The following PDLIM5 variants were observed in gnomAD, a reference collection of about 807,000 sequenced individuals.
PDLIM5 encodes the protein PDZ and LIM domain 5.
A neutral mutation model predicts 64.2 loss-of-function variants in PDLIM5; 34 were observed. That is an observed-to-expected ratio of 0.53 (90% CI 0.40 to 0.71). The LOEUF (loss-of-function observed/expected upper bound fraction) is 0.71, where lower values mean the gene tolerates loss of function less well. Ranked by LOEUF, PDLIM5 falls within the 30% of genes least tolerant of loss-of-function variation. The pLI is 0.00. For synonymous variants in PDLIM5, 253 were observed against 269.1 expected, an observed-to-expected ratio of 0.94 and a Z score of 0.59; for missense variants, 683 against 733.6, an observed-to-expected ratio of 0.93 and a Z score of 0.80.
intron 2 of PDLIM5, among the ~76,000 whole-genome samples, chr4:94,500,015 G>A (rs1727772210): frequency 6.6e-6 from 1 of 152,202 alleles, no homozygotes; most frequent in African/African-American, 2.4e-5. Flanking sequence ...GGTTCGGACT[G>A]CTGATTAAGG....
At chr4:94,652,041 T>A (rs577836218) in intron 9 of PDLIM5, among the ~76,000 whole-genome samples, 1 of 152,368 alleles carries the variant, frequency 6.6e-6, no homozygotes, top group Non-Finnish European at 1.5e-5. Context: ...TGTATTTTCC[T>A]TGGTCAGTTA....
chr4:94,626,839 G>A (rs1296593466), intron 8 of PDLIM5, among the ~76,000 whole-genome samples: 1 of 151,116 alleles, frequency 6.6e-6, no homozygotes, highest in East Asian at 1.9e-4. Flanking sequence ...TGTGAGATTT[G>A]ATTAGATCAA....
chr4:94,470,213 C>T (rs1435719624), intron 2 of PDLIM5, among the ~76,000 whole-genome samples: 1 of 152,130 alleles, frequency 6.6e-6, no homozygotes, highest in African/African-American at 2.4e-5. Context: ...ATCCGCCTAG[C>T]TCGGCCTCCC....
At chr4:94,559,585 C>T (rs767677541) in intron 3 of PDLIM5, among the ~76,000 whole-genome samples, 8 of 152,282 alleles carry the variant, frequency 5.3e-5, no homozygotes, top group Non-Finnish European at 7.3e-5. Context: ...ATGTGACAGA[C>T]GGCTGAAAAC....
chr4:94,590,610 C>T (rs979872795), intron 7 of PDLIM5, among the ~76,000 whole-genome samples: 4 of 152,090 alleles, frequency 2.6e-5, no homozygotes. Context: ...TTATGTGGAC[C>T]TCTGAGGAGA....
At chr4:94,472,429 G>A (rs1724963632) in intron 2 of PDLIM5, among the ~76,000 whole-genome samples, 1 of 152,238 alleles carries the variant, frequency 6.6e-6, no homozygotes, top group East Asian at 1.9e-4. Context: ...TTTTAAAGTA[G>A]CATGAAACAC....
chr4:94,623,522 T>C (rs1459395142), intron 8 of PDLIM5, among the ~76,000 whole-genome samples: 11 of 152,224 alleles, frequency 7.2e-5, no homozygotes, highest in Non-Finnish European at 4.4e-5. Context: ...GTCTTTGTTA[T>C]AGCATTCATC....
intron 7 of PDLIM5, among the ~76,000 whole-genome samples, chr4:94,605,690 A>C (rs1578458055): frequency 6.6e-6 from 1 of 152,210 alleles, no homozygotes; most frequent in East Asian, 1.9e-4. Flanking sequence ...CAATACGTGT[A>C]ACACATGGGA....
intron 7 of PDLIM5, among the ~76,000 whole-genome samples, chr4:94,602,188 C>T (rs1444567701): frequency 2.6e-5 from 4 of 152,018 alleles, no homozygotes; most frequent in East Asian, 1.9e-4. Context: ...GAAAACTCGT[C>T]GTGTGGGTAT....
intron 8 of PDLIM5, among the ~76,000 whole-genome samples, chr4:94,624,903 G>T (rs1739544318): frequency 6.6e-6 from 1 of 152,198 alleles, no homozygotes; most frequent in African/African-American, 2.4e-5. Context: ...AATCAGACTT[G>T]CATTATTAAA....
chr4:94,538,168 C>T (rs571127238), intron 3 of PDLIM5, among the ~76,000 whole-genome samples: 21 of 152,196 alleles, frequency 1.4e-4, no homozygotes, highest in African/African-American at 5.1e-4. Flanking sequence ...TCAGTATTAC[C>T]TCATTCGTTT....
chr4:94,455,534 A>G, intron 2 of PDLIM5, 150 bp downstream of exon 2: 1 of 667,504 alleles, frequency 1.5e-6, no homozygotes, highest in Non-Finnish European at 2.6e-6. Context: ...ATAATAAAGG[A>G]TGAGGGGAGT....
chr4:94,643,001 G>A (rs188688746), intron 9 of PDLIM5, among the ~76,000 whole-genome samples: 23 of 151,902 alleles, frequency 1.5e-4, no homozygotes, highest in African/African-American at 5.3e-4. Flanking sequence ...TTTCGAATTT[G>A]CCAAAAACCA....
At position 94,478,048 on chromosome 4, in the gene PDLIM5, G is replaced by T. The variant is rs914063088; in HGVS notation, c.96+22664G>T. On this transcript the variant is annotated intron_variant, in intron 2 of 12. Coordinates refer to ENST00000317968, the MANE Select transcript of PDLIM5 (RefSeq NM_006457.5). ...CGAGGCGAGCGGATCATGAGGTCAG[G>T]AGTTCGAGACCAGCCTGACCAACAT... Among the ~76,000 whole-genome samples the T allele has an allele frequency of 1.1e-4, 16 of 152,188 alleles. No homozygotes were observed. In the East Asian group the frequency reaches 2.9e-3, roughly 28 times the overall value.
intron 3 of PDLIM5, among the ~76,000 whole-genome samples, chr4:94,552,541 G>A (rs945612732): frequency 6.6e-6 from 1 of 152,066 alleles, no homozygotes; most frequent in Non-Finnish European, 1.5e-5. Flanking sequence ...CAAAGAGGCT[G>A]CATTAAAATT....
Position 94,664,175 on chromosome 4 carries a change from G to T in PDLIM5, c.*108G>T. On this transcript the variant is annotated 3_prime_UTR_variant, in exon 13 of 13. Coordinates refer to ENST00000317968, the MANE Select transcript of PDLIM5 (RefSeq NM_006457.5). ...TTATATGGAGTTTTGAAAAATAATA[G>T]TGGCCCTGAAGGAATAAATTCCAGC... 3 of 1,298,270 alleles carry T rather than the reference G, an allele frequency of 2.3e-6. No individual in the cohort carries two copies. The highest frequency in any genetic ancestry group is 3.0e-6 in the Non-Finnish European group (3 of 1,011,030). 80.4% of individuals were successfully genotyped at this position (1,298,270 alleles called of 1,614,324 possible). A position where few individuals can be genotyped will look rare whatever the true frequency, so the allele number is the denominator to read the frequency against.
intron 3 of PDLIM5, among the ~76,000 whole-genome samples, chr4:94,545,083 A>G (rs868748221): frequency 3.3e-5 from 5 of 152,374 alleles, no homozygotes; most frequent in Admixed American, 1.3e-4. Flanking sequence ...TTATTTACTC[A>G]TAAGTTAGGA....
At chr4:94,619,124 A>C (rs1455134006) in intron 8 of PDLIM5, among the ~76,000 whole-genome samples, 1 of 152,156 alleles carries the variant, frequency 6.6e-6, no homozygotes, top group Admixed American at 6.5e-5. Context: ...CAGTCACCAA[A>C]GCTAGAATGT....
At chr4:94,593,237 A>G (rs570176939) in intron 7 of PDLIM5, among the ~76,000 whole-genome samples, 5 of 152,330 alleles carry the variant, frequency 3.3e-5, no homozygotes, top group East Asian at 1.9e-4. Flanking sequence ...TAGCAATTCA[A>G]TGAAATGACT....
Sources: gnomAD v4.1 joint callset for allele counts (sites outside exome capture counted in the v4.1 genomes callset) on GRCh38, gnomAD v4.1.1 for gene constraint, MANE v1.5 for transcripts, NCBI Gene and HGNC (gene_info 2026-07-23, HGNC 2026-07-21) for gene names.